NEDD9: variants seen among roughly 807,000 people sequenced by gnomAD.
The protein encoded by NEDD9 is enhancer of filamentation 1.
Under a neutral mutation model 76.6 loss-of-function variants are expected in NEDD9, and 26 were observed. That is an observed-to-expected ratio of 0.34 (90% CI 0.25 to 0.47). The LOEUF (loss-of-function observed/expected upper bound fraction) is 0.47, where lower values mean the gene tolerates loss of function less well. Ranked by LOEUF, NEDD9 falls within the 20% of genes least tolerant of loss-of-function variation. The pLI is 1.00. For synonymous variants in NEDD9, 392 were observed against 414.2 expected, an observed-to-expected ratio of 0.95 and a Z score of 0.65; for missense variants, 937 against 1,058.5, an observed-to-expected ratio of 0.89 and a Z score of 1.59.
At chr6:11,279,920 T>A (rs75227292) in intron 3 of NEDD9, among the ~76,000 whole-genome samples, 8,240 of 152,238 alleles carry the variant, frequency 0.054, 227 homozygotes, top group Middle Eastern at 0.14. Flanking sequence ...AAAACAAAGA[T>A]GTCCCAGAGA....
intron 3 of NEDD9, among the ~76,000 whole-genome samples, chr6:11,287,225 C>T (rs1333950887): frequency 1.3e-5 from 2 of 152,074 alleles, no homozygotes; most frequent in Non-Finnish European, 2.9e-5. Context: ...ATCAGGAGTT[C>T]GAGACCAGCC....
chr6:11,352,704 C>T (rs1424691584), intron 1 of NEDD9: 1 of 152,240 alleles, frequency 6.6e-6, no homozygotes, highest in Non-Finnish European at 1.5e-5. Flanking sequence ...CCATCAATAT[C>T]TAGCTTTGTG....
At chr6:11,225,830 T>C (rs1159464389) in intron 1 of NEDD9, among the ~76,000 whole-genome samples, 4 of 146,844 alleles carry the variant, frequency 2.7e-5, no homozygotes, top group Non-Finnish European at 6.0e-5. Flanking sequence ...AAAGAATAAC[T>C]GGGATTTAAT....
At chr6:11,224,780 A>T (rs2025678) in intron 1 of NEDD9, among the ~76,000 whole-genome samples, 138,279 of 152,122 alleles carry the variant, frequency 0.91, 62,895 homozygotes, top group East Asian at 1. Flanking sequence ...GGGGGGCAGA[A>T]AAGCCCAGCT....
chr6:11,299,119 A>G (rs2113396664), intron 3 of NEDD9, among the ~76,000 whole-genome samples: 1 of 152,272 alleles, frequency 6.6e-6, no homozygotes, highest in East Asian at 1.9e-4. Context: ...ACCTGGAGAA[A>G]CAGTACACTC....
chr6:11,218,210 C>T (rs1002545710), intron 1 of NEDD9, among the ~76,000 whole-genome samples: 1 of 152,194 alleles, frequency 6.6e-6, no homozygotes, highest in Non-Finnish European at 1.5e-5. Flanking sequence ...TCCTGCTTTG[C>T]TTTGCTTGGT....
At chr6:11,275,545 T>TACACAC (rs71550763) in intron 3 of NEDD9, among the ~76,000 whole-genome samples, 20 of 149,814 alleles carry the variant, frequency 1.3e-4, no homozygotes, top group South Asian at 8.4e-4. Flanking sequence ...AATACATACA[T>TACACAC]ACACACACAC....
intron 2 of NEDD9, among the ~76,000 whole-genome samples, chr6:11,207,035 C>T (rs960376099): frequency 6.6e-6 from 1 of 152,126 alleles, no homozygotes; most frequent in African/African-American, 2.4e-5. Context: ...CATAGTTGTA[C>T]TTTATTGATT....
chr6:11,192,347 C>G lies in NEDD9; in HGVS notation c.661G>C (p.Gly221Arg), dbSNP rs1003436250. 2.5e-6 allele frequency: 4 copies of G among 1,586,318 alleles called. No individual in the cohort carries two copies. Among genetic ancestry groups the G allele is most frequent in the Non-Finnish European group, 3.4e-6 (4 of 1,167,900 alleles). ...QGVYDIPPTKGVYAIPPSACR... is the reference protein window; with the variant it reads ...QGVYDIPPTKRVYAIPPSACR... Reference sequence around the variant, plus strand: ...CTGCTTTGTAGTCACTCACTCACCCCTTTTGTAGGCGGGATGTCATACACC... The same window carrying G: ...CTGCTTTGTAGTCACTCACTCACCCGTTTTGTAGGCGGGATGTCATACACC... Residue 221 changes from glycine to arginine, a missense_variant and splice_region_variant, in exon 4 of 7, where the codon GGG becomes CGG. Physicochemically the swap from Gly to Arg is moderately radical, Grantham distance 125. Transcript: ENST00000379446.
intron 1 of NEDD9, among the ~76,000 whole-genome samples, chr6:11,219,265 G>A (rs1347326236): frequency 2.0e-5 from 3 of 152,140 alleles, no homozygotes; most frequent in Non-Finnish European, 2.9e-5. Flanking sequence ...TCAGAGAAAC[G>A]ATCTGCTTTT....
intron 2 of NEDD9, among the ~76,000 whole-genome samples, chr6:11,317,348 G>T (rs1482518575): frequency 6.6e-6 from 1 of 151,938 alleles, no homozygotes; most frequent in Non-Finnish European, 1.5e-5. Context: ...AAGGAGAATT[G>T]CTTGAAACTG....
At chr6:11,380,310 C>T (rs1023188278) in intron 1 of NEDD9, among the ~76,000 whole-genome samples, 5 of 152,130 alleles carry the variant, frequency 3.3e-5, no homozygotes, top group Non-Finnish European at 5.9e-5. Context: ...AGAAATGATC[C>T]CAGGAAGCAT....
upstream of NEDD9, among the ~76,000 whole-genome samples, chr6:11,234,135 C>T (rs1245938189): frequency 6.6e-6 from 1 of 152,164 alleles, no homozygotes; most frequent in African/African-American, 2.4e-5. Context: ...CTGTATTAGG[C>T]CTTGCTTCTC....
rs960491027 is a variant in NEDD9 at position 11,279,761 on chromosome 6, T to C, written c.12+26231A>G. 7.2e-5 allele frequency among the ~76,000 whole-genome samples: 11 copies of C among 152,252 alleles called. No individual in the cohort carries two copies. In the South Asian group the frequency reaches 1.4e-3, roughly 20 times the overall value. On this transcript the variant is annotated intron_variant, in intron 3 of 3. Transcript: ENST00000397378. Reference sequence around the variant, plus strand: ...GAAATTCAACAATTGCCATTCCCACTGCAAACAAACAGCTCTCATCTCCTC... The same window carrying C: ...GAAATTCAACAATTGCCATTCCCACCGCAAACAAACAGCTCTCATCTCCTC...
At chr6:11,351,782 CT>C (rs1380124172) in intron 1 of NEDD9, among the ~76,000 whole-genome samples, 1 of 152,216 alleles carries the variant, frequency 6.6e-6, no homozygotes, top group Non-Finnish European at 1.5e-5. Context: ...CCCTCAAAGG[CT>C]TCTGTGTCAT....
intron 3 of NEDD9, among the ~76,000 whole-genome samples, chr6:11,242,598 A>C (rs1561803969): frequency 6.6e-6 from 1 of 152,036 alleles, no homozygotes; most frequent in African/African-American, 2.4e-5. Context: ...GCAAAAAAAA[A>C]AAACTGTCTT....
chr6:11,265,660 G>A (rs1480439853), intron 3 of NEDD9, among the ~76,000 whole-genome samples: 1 of 152,178 alleles, frequency 6.6e-6, no homozygotes, highest in African/African-American at 2.4e-5. Flanking sequence ...GGAGAGCAAG[G>A]AATCAGGGGA....
At chr6:11,232,411 A>G in intron 1 of NEDD9, 93 bp downstream of exon 1, 1 of 1,488,026 alleles carries the variant, frequency 6.7e-7, no homozygotes, top group Non-Finnish European at 9.4e-7. Context: ...GGGACACACA[A>G]GGGACTGACA....
upstream of NEDD9, chr6:11,233,192 T>TTG (rs760835395): frequency 3.7e-5 from 19 of 516,808 alleles, no homozygotes; most frequent in South Asian, 1.8e-4. Context: ...CGCCTACTTT[T>TTG]TGTGTGTGTG....
Sources: allele counts gnomAD v4.1 joint callset (sites outside exome capture counted in the v4.1 genomes callset), GRCh38; gene constraint gnomAD v4.1.1; transcripts MANE v1.5; gene names NCBI Gene and HGNC (gene_info 2026-07-23, HGNC 2026-07-21).